PRKAG2: variants seen among roughly 807,000 people sequenced by gnomAD.
PRKAG2 encodes the protein protein kinase AMP-activated non-catalytic subunit gamma 2, also known as 5'-AMP-activated protein kinase subunit gamma-2.
In PRKAG2, 26 loss-of-function variants were observed where a neutral mutation model predicts 69.6. The ratio of observed to expected loss-of-function variants is 0.37; its 90% confidence interval spans 0.27 to 0.52. The LOEUF is 0.52. PRKAG2 is among the 20% of genes least tolerant of loss of function. The pLI, the probability that PRKAG2 is intolerant of heterozygous loss-of-function variation, is 0.90. For synonymous variants in PRKAG2, 293 were observed against 285.0 expected, an observed-to-expected ratio of 1.03 and a Z score of -0.28; for missense variants, 557 against 740.0, an observed-to-expected ratio of 0.75 and a Z score of 2.87.
At chr7:151,591,306 C>T (rs554406655) in intron 6 of PRKAG2, among the ~76,000 whole-genome samples, 5 of 152,364 alleles carry the variant, frequency 3.3e-5, no homozygotes, top group Admixed American at 1.3e-4. Context: ...CTCAAGGCTG[C>T]GGCACCCCCG....
At chr7:151,658,476 T>A (rs1052823713) in intron 4 of PRKAG2, among the ~76,000 whole-genome samples, 1 of 121,238 alleles carries the variant, frequency 8.2e-6, no homozygotes, top group Admixed American at 8.9e-5. Flanking sequence ...CAGAGCAAGA[T>A]TGTCGCAAAA....
chr7:151,679,608 AC>A (rs1163513725), intron 3 of PRKAG2, among the ~76,000 whole-genome samples: 1 of 151,440 alleles, frequency 6.6e-6, no homozygotes, highest in Non-Finnish European at 1.5e-5. Flanking sequence ...AACCTGTGCC[AC>A]CCCCCACATC....
At chr7:151,821,167 C>T (rs1365451132) in intron 1 of PRKAG2, among the ~76,000 whole-genome samples, 1 of 132,780 alleles carries the variant, frequency 7.5e-6, no homozygotes, top group Non-Finnish European at 1.6e-5. Flanking sequence ...GGAAGAAAGT[C>T]TTAAAAAATA....
intron 3 of PRKAG2, among the ~76,000 whole-genome samples, chr7:151,767,056 C>T (rs2075772039): frequency 6.6e-6 from 1 of 152,112 alleles, no homozygotes; most frequent in African/African-American, 2.4e-5. Context: ...TAGGGATAGT[C>T]TCCTTAGAAA....
chr7:151,742,347 A>C (rs1476219553), intron 3 of PRKAG2, among the ~76,000 whole-genome samples: 1 of 152,158 alleles, frequency 6.6e-6, no homozygotes, highest in African/African-American at 2.4e-5. Context: ...CATGTTTAAA[A>C]ATCCTGACTG....
At chr7:151,581,336 G>A (rs970868734) in intron 6 of PRKAG2, among the ~76,000 whole-genome samples, 1 of 152,188 alleles carries the variant, frequency 6.6e-6, no homozygotes, top group African/African-American at 2.4e-5. Flanking sequence ...AATACAGAAA[G>A]TAAACGAACC....
intron 5 of PRKAG2, among the ~76,000 whole-genome samples, chr7:151,598,054 C>G (rs1325084878): frequency 6.6e-6 from 1 of 152,158 alleles, no homozygotes; most frequent in African/African-American, 2.4e-5. Flanking sequence ...ACATGGAATC[C>G]ACCTAAGTGT....
intron 3 of PRKAG2, among the ~76,000 whole-genome samples, chr7:151,720,958 G>A (rs1796990101): frequency 6.8e-6 from 1 of 146,220 alleles, no homozygotes; most frequent in African/African-American, 2.6e-5. Flanking sequence ...AATAAGGGCA[G>A]AAGGAACAGA....
chr7:151,626,855 T>C (rs1823060630), intron 5 of PRKAG2, among the ~76,000 whole-genome samples: 1 of 151,596 alleles, frequency 6.6e-6, no homozygotes, highest in Admixed American at 6.6e-5. Context: ...AGCACAGATA[T>C]ACTGTGTATT....
chr7:151,817,968 T>C (rs1332468720), intron 1 of PRKAG2, among the ~76,000 whole-genome samples: 1 of 152,166 alleles, frequency 6.6e-6, no homozygotes, highest in African/African-American at 2.4e-5. Flanking sequence ...TAATTAAGAA[T>C]AAGAGGAAGA....
rs746648108 is a variant in PRKAG2, at chr7:151,673,724, T to A, written c.684+1696A>T. Among the ~76,000 whole-genome samples, 62 of 152,076 alleles carry A rather than the reference T, an allele frequency of 4.1e-4. 1 individual carries two copies. The highest frequency in any genetic ancestry group is 7.4e-5 in the Non-Finnish European group (5 of 68,012). On this transcript the variant is annotated intron_variant, in intron 4 of 15. Coordinates refer to ENST00000287878, the MANE Select transcript of PRKAG2 (RefSeq NM_016203.4). ...TTGGACCGTATCTCCTAAAAAGAGA[T>A]GTTGAAGTTCTAAGTCCCAGTACCT...
At chr7:151,748,756 G>C (rs2074465548) in intron 3 of PRKAG2, among the ~76,000 whole-genome samples, 1 of 152,134 alleles carries the variant, frequency 6.6e-6, no homozygotes, top group Non-Finnish European at 1.5e-5. Flanking sequence ...AACTCCCTTT[G>C]GCAAAAGCTA....
At chr7:151,693,941 G>A (rs1441478228) in intron 3 of PRKAG2, among the ~76,000 whole-genome samples, 2 of 151,874 alleles carry the variant, frequency 1.3e-5, no homozygotes, top group South Asian at 2.1e-4. Context: ...GTGTGATCTC[G>A]GCTCACTGCA....
intron 6 of PRKAG2, among the ~76,000 whole-genome samples, chr7:151,587,054 G>A (rs893474981): frequency 6.6e-6 from 1 of 152,062 alleles, no homozygotes; most frequent in African/African-American, 2.4e-5. Flanking sequence ...CTAGCTTCTC[G>A]GGAGGCTGAG....
chr7:151,667,744 A>G (rs1831259271), intron 4 of PRKAG2, among the ~76,000 whole-genome samples: 1 of 152,172 alleles, frequency 6.6e-6, no homozygotes, highest in African/African-American at 2.4e-5. Context: ...CCTGCTGGAA[A>G]AGAGACCATG....
At chr7:151,572,572 A>G (rs1177137444) in intron 9 of PRKAG2, 92 bp downstream of exon 9, 1 of 905,774 alleles carries the variant, frequency 1.1e-6, no homozygotes, top group African/African-American at 1.7e-5. Context: ...TATGGAGCAG[A>G]GAGAAAAGGA....
intron 3 of PRKAG2, among the ~76,000 whole-genome samples, chr7:151,721,373 G>T (rs556393255): frequency 7.0e-4 from 106 of 152,302 alleles, no homozygotes; most frequent in African/African-American, 2.3e-3. Flanking sequence ...AAGGGCTGAA[G>T]ACAGGGCCAG....
intron 5 of PRKAG2, among the ~76,000 whole-genome samples, chr7:151,625,709 A>G (rs1822680033): frequency 6.6e-6 from 1 of 152,116 alleles, no homozygotes; most frequent in Non-Finnish European, 1.5e-5. Context: ...TTCCTGTTAA[A>G]ACAGCTGGGA....
chr7:151,794,306 T>A (rs1384864303), intron 1 of PRKAG2, among the ~76,000 whole-genome samples: 1 of 152,262 alleles, frequency 6.6e-6, no homozygotes, highest in African/African-American at 2.4e-5. Context: ...GCAGAATCCC[T>A]GGCCCGGAGT....
Sources: allele counts gnomAD v4.1 joint callset (sites outside exome capture counted in the v4.1 genomes callset), GRCh38; gene constraint gnomAD v4.1.1; transcripts MANE v1.5; gene names NCBI Gene and HGNC (gene_info 2026-07-23, HGNC 2026-07-21).